TTF1: variants seen among roughly 807,000 people sequenced by gnomAD.
The protein encoded by TTF1 is transcription termination factor, RNA polymerase I.
Under a neutral mutation model 80.2 loss-of-function variants are expected in TTF1, and 64 were observed. The observed-to-expected ratio is 0.80, with a 90% CI of 0.65 to 0.98. The LOEUF is 0.98. Ranked by LOEUF, TTF1 falls within the 50% of genes least tolerant of loss-of-function variation. The probability of loss-of-function intolerance (pLI) is 0.00; values close to 1 mark genes in which losing one functional copy is unlikely to be tolerated. For synonymous variants in TTF1, 372 were observed against 382.7 expected (o/e 0.97, Z 0.33); for missense variants, 1,023 against 1,086.2 (o/e 0.94, Z 0.82).
At chr9:132,381,056 C>T (rs968426069) in intron 9 of TTF1, among the ~76,000 whole-genome samples, 1 of 152,048 alleles carries the variant, frequency 6.6e-6, no homozygotes, top group South Asian at 2.1e-4. Context: ...GGACAACAGG[C>T]ATGTGTCACC....
chr9:132,396,466 T>C lies in TTF1; in HGVS notation c.1823A>G (p.Lys608Arg). Reference sequence around the variant, plus strand: ...GTAATTGTTGACATCGAACATCTTCTTTGCTCGATAGTATATAAGTTTCCA... The same window carrying C: ...GTAATTGTTGACATCGAACATCTTCCTTGCTCGATAGTATATAAGTTTCCA... ...RPWKLIYYRA[K>R]KMFDVNNYKG... Residue 608 changes from lysine to arginine, a missense_variant, in exon 5 of 11, where the codon AAG becomes AGG. Physicochemically the swap from Lys to Arg is conservative, Grantham distance 26 (BLOSUM62 2). Coordinates refer to ENST00000334270, the MANE Select transcript of TTF1 (RefSeq NM_007344.4). 6.2e-7 allele frequency: 1 copy of C among 1,614,192 alleles called. No homozygotes were observed.
At chr9:132,377,764 A>ATGCATGTGGTGTGTGTGAG (rs1354342257) in intron 10 of TTF1, among the ~76,000 whole-genome samples, 1 of 72,778 alleles carries the variant, frequency 1.4e-5, no homozygotes, top group African/African-American at 5.7e-5. Context: ...GTGCGTGTGA[A>ATGCATGTGGTGTGTGTGAG]TGCATGTGGT....
At chr9:132,377,096 G>C (rs1327636266) in intron 10 of TTF1, among the ~76,000 whole-genome samples, 1 of 152,190 alleles carries the variant, frequency 6.6e-6, no homozygotes, top group Non-Finnish European at 1.5e-5. Context: ...ATTCTTTCTG[G>C]AATATGTGTA....
At chr9:132,398,907 T>C (rs1369193666) in intron 3 of TTF1, among the ~76,000 whole-genome samples, 1 of 152,056 alleles carries the variant, frequency 6.6e-6, no homozygotes, top group Non-Finnish European at 1.5e-5. Context: ...ACTTTAAAAA[T>C]ATCTTATGGG....
intron 9 of TTF1, among the ~76,000 whole-genome samples, chr9:132,380,066 G>A (rs1386968141): frequency 2.0e-5 from 3 of 151,700 alleles, no homozygotes; most frequent in East Asian, 1.9e-4. Context: ...TCTCTTTCTC[G>A]CATTATCTTC....
At chr9:132,406,755 G>A (rs1367667304) in intron 1 of TTF1, 35 bp downstream of exon 1, 2 of 152,136 alleles carry the variant, frequency 1.3e-5, no homozygotes, top group Non-Finnish European at 2.9e-5. Flanking sequence ...CGCGCATTTT[G>A]AAAAACAGAA....
rs1240531740 is a variant in TTF1, at chr9:132,402,464, T to A, written c.358A>T (p.Arg120Ter). Residue 120 changes from arginine to a stop codon, truncating the protein, a stop_gained, in exon 2 of 11, where the codon AGA becomes TGA. Coordinates refer to ENST00000334270, the MANE Select transcript of TTF1 (RefSeq NM_007344.4). LOFTEE classifies it high-confidence loss of function. ...ENINNTPKHF[R>*]KDVDVVCVDM... is the part of the protein sequence containing the mutation. ...ACACAAACAACATCAACATCCTTTC[T>A]AAAATGCTTTGGTGTGTTGTTAATA... 3 of 1,614,126 alleles carry A rather than the reference T, an allele frequency of 1.9e-6. No individual in the cohort carries two copies. Among genetic ancestry groups the A allele is most frequent in the African/African-American group, 2.7e-5 (2 of 74,950 alleles).
At chr9:132,396,206 G>C (rs1849645396) in intron 5 of TTF1, among the ~76,000 whole-genome samples, 1 of 152,174 alleles carries the variant, frequency 6.6e-6, no homozygotes, top group South Asian at 2.1e-4. Flanking sequence ...AAAAAGTGTA[G>C]AGAAAGCTGC....
rs750288346 is a variant in TTF1 at position 132,401,552 on chromosome 9, C to A, written c.1270G>T (p.Gly424Cys). 5.0e-6 allele frequency: 8 copies of A among 1,614,038 alleles called. No homozygotes were observed. The highest frequency in any genetic ancestry group is 1.3e-5 in the African/African-American group (1 of 74,912). Residue 424 changes from glycine to cysteine, a missense_variant, in exon 2 of 11, where the codon GGT becomes TGT. Gly to Cys is a radical substitution (Grantham distance 159, BLOSUM62 -3). Coordinates refer to ENST00000334270, the MANE Select transcript of TTF1 (RefSeq NM_007344.4). ...SESTLFDSVE[G>C]DGAMMEEGVK... ...CCTTCTTCCATCATGGCGCCATCAC[C>A]TTCTACTGAATCAAAGAGTGTGCTC...
Position 132,388,156 on chromosome 9 carries a change from C to T in TTF1, c.2295G>A (p.Lys765=). 1.2e-6 allele frequency: 2 copies of T among 1,611,790 alleles called. No homozygotes were observed. The highest frequency in any genetic ancestry group is 1.7e-6 in the Non-Finnish European group (2 of 1,178,390). ...IYYGMNALRA[K]VSLIERLYEI... ...TTTCATACCTTTCAATAAGGCTGAC[C>T]TTGGCCCGCAGGGCATTCATGCCAT... The change falls in exon 8 of 11, where the codon AAG becomes AAA. Residue 765 remains lysine, a synonymous_variant. Coordinates refer to ENST00000334270, the MANE Select transcript of TTF1 (RefSeq NM_007344.4).
chr9:132,404,758 T>G (rs1273883939), intron 1 of TTF1, among the ~76,000 whole-genome samples: 1 of 152,170 alleles, frequency 6.6e-6, no homozygotes, highest in Non-Finnish European at 1.5e-5. Context: ...CCCACCCCAC[T>G]ACTCCACTGA....
At chr9:132,406,568 C>T (rs1419133946) in intron 1 of TTF1, among the ~76,000 whole-genome samples, 1 of 150,092 alleles carries the variant, frequency 6.7e-6, no homozygotes, top group East Asian at 2.0e-4. Flanking sequence ...CGCCACCGCA[C>T]TCCAGCCTGG....
At chr9:132,376,413 C>T (rs1849177433) in intron 10 of TTF1, among the ~76,000 whole-genome samples, 2 of 152,172 alleles carry the variant, frequency 1.3e-5, no homozygotes, top group South Asian at 4.1e-4. Context: ...AAGAGACTTG[C>T]CCGAGGCCTT....
chr9:132,393,555 A>G (rs1004927850), intron 5 of TTF1, among the ~76,000 whole-genome samples: 4 of 152,234 alleles, frequency 2.6e-5, no homozygotes, highest in Non-Finnish European at 5.9e-5. Context: ...AGTTAATTTA[A>G]TATCTATAGA....
intron 10 of TTF1, among the ~76,000 whole-genome samples, chr9:132,377,322 TGTGTGTGAATGCATGTG>T (rs1357627656): frequency 3.7e-5 from 5 of 134,074 alleles, no homozygotes; most frequent in African/African-American, 8.7e-5. Context: ...GCATGTGGTG[TGTGTGTGAATGCATGTG>T]GTGTGAGTGC....
At position 132,401,669 on chromosome 9, in the gene TTF1, T is replaced by C; in HGVS notation, c.1153A>G (p.Thr385Ala). Residue 385 changes from threonine (T) to alanine (A), a missense_variant, in exon 2 of 11, where the codon ACA (threonine) becomes GCA (alanine). Transcript: ENST00000334270. The stretch of plus-strand genomic sequence containing the variant: ...TTCCTTTTCTTAGACTTCTTCTTTG[T>C]ACTGTTGGATTCCTTGAACCCTTTA... ...ALKGFKESNS[T>A]KKKSKKRKLT... 1 of 1,614,232 alleles carries C rather than the reference T, an allele frequency of 6.2e-7. No individual in the cohort carries two copies. The highest frequency in any genetic ancestry group is 1.1e-5 in the South Asian group (1 of 91,086).
chr9:132,377,404 T>C (rs1347329291), intron 10 of TTF1, among the ~76,000 whole-genome samples: 1 of 125,990 alleles, frequency 7.9e-6, no homozygotes, highest in Non-Finnish European at 1.6e-5. Flanking sequence ...TGTGAGTGCA[T>C]GTGGTGTGTG....
chr9:132,390,232 A>C (rs2131634364), intron 7 of TTF1, among the ~76,000 whole-genome samples: 1 of 152,308 alleles, frequency 6.6e-6, no homozygotes, highest in South Asian at 2.1e-4. Context: ...TGCCTGCCTC[A>C]GCCTCCCAAA....
chr9:132,402,863 G>C (rs376453502), intron 1 of TTF1, 35 bp from the exon 2 acceptor site: 1 of 1,533,094 alleles, frequency 6.5e-7, no homozygotes, highest in Non-Finnish European at 8.7e-7. Context: ...GTTTATTTTT[G>C]CTTTTTTTTT....
Sources: gnomAD v4.1 joint callset for allele counts (sites outside exome capture counted in the v4.1 genomes callset) on GRCh38, gnomAD v4.1.1 for gene constraint, MANE v1.5 for transcripts, NCBI Gene and HGNC (gene_info 2026-07-23, HGNC 2026-07-21) for gene names.